MBNL2: variants seen among roughly 807,000 people sequenced by gnomAD.
MBNL2 encodes muscleblind-like protein 2.
Under a neutral mutation model 41.9 loss-of-function variants are expected in MBNL2, and 17 were observed. That is an observed-to-expected ratio of 0.41 (90% CI 0.28 to 0.61). MBNL2 has a LOEUF of 0.61. MBNL2 is among the 20% of genes least tolerant of loss of function. The pLI, the probability that MBNL2 is intolerant of heterozygous loss-of-function variation, is 0.35. For synonymous variants in MBNL2, 195 were observed against 182.9 expected, an observed-to-expected ratio of 1.07 and a Z score of -0.53; for missense variants, 336 against 505.6, an observed-to-expected ratio of 0.66 and a Z score of 3.22.
At chr13:97,213,784 T>A in the MBNL2 span, among the ~76,000 whole-genome samples, 1 of 152,132 alleles carries the variant, frequency 6.6e-6, no homozygotes, top group Non-Finnish European at 1.5e-5. Context: ...CAGAAAGAGA[T>A]GGAGAGGGGA....
the MBNL2 span, among the ~76,000 whole-genome samples, chr13:97,185,615 G>A: frequency 6.6e-6 from 1 of 152,164 alleles, no homozygotes; most frequent in African/African-American, 2.4e-5. Context: ...CTTTAAAGAT[G>A]GAAGGAGCCA....
rs746240709 is a variant in MBNL2 at position 97,357,540 on chromosome 13, A to G, written c.917A>G (p.Asn306Ser). The G allele has an allele frequency of 5.6e-6, 9 of 1,614,114 alleles. No homozygotes were observed. The highest frequency in any genetic ancestry group is 4.0e-5 in the African/African-American group (3 of 75,024). The stretch of plus-strand genomic sequence containing the variant: ...AAGAGACAAGCACTTGAAAAAAGCA[A>G]TGGTACCAGCGCGGTCTTTAACCCC... Reference protein sequence around the residue: ...LPKRQALEKSNGTSAVFNPSV... With the variant: ...LPKRQALEKSSGTSAVFNPSV... The change falls in exon 7 of 9, where the codon AAT becomes AGT. Residue 306 changes from asparagine (N) to serine (S), a missense_variant. Transcript: ENST00000679496.
At position 97,268,100 on chromosome 13, in the gene MBNL2, C is replaced by CCTTCCTTT. The variant is rs1555307692; in HGVS notation, c.-604-7529_-604-7528insCCTTTCTT. 2.1e-5 allele frequency among the ~76,000 whole-genome samples: 3 copies of CCTTCCTTT among 145,208 alleles called. No individual in the cohort carries two copies. The highest frequency in any genetic ancestry group is 4.2e-4 in the South Asian group (2 of 4,736). ...TCCTTCCTTCCTTCCTTCCTTCCTTCCTTTCTTTCTTTTGAGACAGCGTCG... is the reference window on the plus strand; with the variant it reads ...TCCTTCCTTCCTTCCTTCCTTCCTTCCTTCCTTTCTTTCTTTCTTTTGAGACAGCGTCG... On this transcript the variant is annotated intron_variant, in intron 1 of 8. Coordinates refer to ENST00000679496, the MANE Select transcript of MBNL2 (RefSeq NM_001382683.1). The surrounding 1 kb of genome is among the most constrained non-coding windows in gnomAD (Gnocchi z 4.6).
chr13:97,295,385 T>G (rs1258910489), intron 2 of MBNL2, among the ~76,000 whole-genome samples: 1 of 152,014 alleles, frequency 6.6e-6, no homozygotes, highest in East Asian at 1.9e-4. Context: ...ATTGCTAAAG[T>G]GGCCAATCCC....
At chr13:97,292,106 C>T (rs2056206806) in intron 2 of MBNL2, among the ~76,000 whole-genome samples, 1 of 145,610 alleles carries the variant, frequency 6.9e-6, no homozygotes, top group Non-Finnish European at 1.5e-5. Context: ...GAGGCTGAGG[C>T]AGGAGAACGG....
intron 7 of MBNL2, among the ~76,000 whole-genome samples, chr13:97,358,989 T>G (rs770264592): frequency 1.3e-5 from 2 of 152,162 alleles, no homozygotes; most frequent in Non-Finnish European, 2.9e-5. Context: ...GCAAAGTGGT[T>G]TTCAGTGTTT....
intron 3 of MBNL2, 152 bp from the exon 4 acceptor site, chr13:97,342,864 C>T: frequency 1.8e-6 from 1 of 553,528 alleles, no homozygotes; most frequent in Non-Finnish European, 3.2e-6. Context: ...AGAGGGTCTA[C>T]ATGGATGTCA....
At chr13:97,189,856 A>G in the MBNL2 span, among the ~76,000 whole-genome samples, 2 of 152,244 alleles carry the variant, frequency 1.3e-5, no homozygotes, top group Non-Finnish European at 2.9e-5. Flanking sequence ...ATTAATGTTT[A>G]CTTTCAGAAC....
At chr13:97,301,349 A>T (rs917358956) in intron 2 of MBNL2, among the ~76,000 whole-genome samples, 8 of 152,246 alleles carry the variant, frequency 5.3e-5, no homozygotes, top group African/African-American at 1.9e-4. Context: ...TTAATGCCTC[A>T]GGATCCCCAG....
intron 2 of MBNL2, among the ~76,000 whole-genome samples, chr13:97,289,900 T>C (rs889403064): frequency 6.6e-6 from 1 of 152,244 alleles, no homozygotes; most frequent in Non-Finnish European, 1.5e-5. Context: ...TGTAAATGCC[T>C]ATATTAAAGA....
chr13:97,369,613 T>C (rs2064171710), intron 8 of MBNL2, among the ~76,000 whole-genome samples: 1 of 152,134 alleles, frequency 6.6e-6, no homozygotes, highest in African/African-American at 2.4e-5. Flanking sequence ...TGTAATTAGA[T>C]ACAAGTCATT....
intron 2 of MBNL2, among the ~76,000 whole-genome samples, chr13:97,305,582 G>T (rs2058047073): frequency 6.7e-6 from 1 of 149,434 alleles, no homozygotes; most frequent in African/African-American, 2.4e-5. Context: ...TGGGCAACAT[G>T]GTGAAACTCC....
chr13:97,319,873 G>A (rs1476624186), intron 2 of MBNL2, among the ~76,000 whole-genome samples: 4 of 152,030 alleles, frequency 2.6e-5, no homozygotes, highest in African/African-American at 7.2e-5. Flanking sequence ...GGGAAAAATC[G>A]GATGGCATTT....
chr13:97,161,887 G>A, the MBNL2 span, among the ~76,000 whole-genome samples: 3 of 152,176 alleles, frequency 2.0e-5, no homozygotes, highest in African/African-American at 7.2e-5. Context: ...ATTTAATGCA[G>A]GATACAGGGT....
At chr13:97,262,195 T>G (rs1163730747) in intron 1 of MBNL2, among the ~76,000 whole-genome samples, 3 of 152,194 alleles carry the variant, frequency 2.0e-5, no homozygotes, top group Admixed American at 1.3e-4. Flanking sequence ...GCCGCCACAC[T>G]GTTCTTGCAG....
chr13:97,170,723 G>T, the MBNL2 span, among the ~76,000 whole-genome samples: 1 of 152,106 alleles, frequency 6.6e-6, no homozygotes, highest in African/African-American at 2.4e-5. Flanking sequence ...TTCTCAAAAG[G>T]CCAATCTCAG....
the MBNL2 span, among the ~76,000 whole-genome samples, chr13:97,212,230 GA>G: frequency 6.6e-6 from 1 of 152,156 alleles, no homozygotes; most frequent in Non-Finnish European, 1.5e-5. Context: ...ACGTTTTCCA[GA>G]ATTGCTCCTG....
chr13:97,287,952 T>TC, intron 2 of MBNL2, among the ~76,000 whole-genome samples: 1 of 147,364 alleles, frequency 6.8e-6, no homozygotes. Flanking sequence ...TTTTTTTTTT[T>TC]TAGTAGAGAT....
In MBNL2 at chr13:97,267,000, A is replaced by G. The variant is rs368521900; in HGVS notation, c.-604-8632A>G. On this transcript the variant is annotated intron_variant, in intron 1 of 8. Transcript: ENST00000679496. ...GATGACCCGAAAGTAAACTGGAGGAACTGTGTGCTGCAGAATTATTTCCCT... is the reference window on the plus strand; with the variant it reads ...GATGACCCGAAAGTAAACTGGAGGAGCTGTGTGCTGCAGAATTATTTCCCT... Among the ~76,000 whole-genome samples, 13 of 152,320 alleles carry G rather than the reference A, an allele frequency of 8.5e-5. No homozygotes were observed. In the East Asian group the frequency reaches 1.7e-3, roughly 20 times the overall value.
Sources: gnomAD v4.1 joint callset for allele counts (sites outside exome capture counted in the v4.1 genomes callset) on GRCh38, gnomAD v4.1.1 for gene constraint, Gnocchi (gnomAD v3.1) non-coding constraint, MANE v1.5 for transcripts, NCBI Gene and HGNC (gene_info 2026-07-23, HGNC 2026-07-21) for gene names.